The following TSFM variants were observed in gnomAD, a reference collection of about 807,000 sequenced individuals.
The protein encoded by TSFM is elongation factor Ts, mitochondrial.
A neutral mutation model predicts 33.4 loss-of-function variants in TSFM; 29 were observed. The observed-to-expected ratio is 0.87, with a 90% CI of 0.65 to 1.18. The LOEUF is 1.18. Among genes scored for constraint, TSFM ranks in the 50% most tolerant of loss-of-function variants. The pLI is 0.00. For synonymous variants in TSFM, 178 were observed against 163.5 expected (o/e 1.09, Z -0.68); for missense variants, 394 against 395.6 (o/e 1.00, Z 0.04).
rs747187236 is a variant in TSFM at position 57,782,801 on chromosome 12, G to T, written c.-1G>T. The T allele has an allele frequency of 2.5e-6, 4 of 1,590,006 alleles. No homozygotes were observed. The African/African-American group carries it at 5.4e-5, about 21-fold the overall frequency. On this transcript the variant is annotated 5_prime_UTR_variant, in exon 1 of 6. Transcript: ENST00000652027. The stretch of plus-strand genomic sequence containing the variant: ...GGAGGGTGTTTATCGCGGCTAGAGA[G>T]ATGTCGCTGCTGCGGTCGCTGCGCG...
chr12:57,796,845 T>C lies in TSFM; in HGVS notation c.*262T>C. 9.0e-7 allele frequency: 1 copy of C among 1,114,204 alleles called. No homozygotes were observed. Among genetic ancestry groups the C allele is most frequent in the Non-Finnish European group, 1.1e-6 (1 of 915,322 alleles). The allele number at this position is 1,114,204 out of a possible 1,614,324, so 69.0% of individuals were successfully genotyped here. A position where few individuals can be genotyped will look rare whatever the true frequency, so the allele number is the denominator to read the frequency against. ...AACAATACTGCTGCTCCCTTCAACA[T>C]AGATTTATTATGGTATTTCTGAAAT... On this transcript the variant is annotated 3_prime_UTR_variant, in exon 6 of 6. Transcript: ENST00000652027.
At chr12:57,792,198 C>T (rs1315198282) in intron 4 of TSFM, among the ~76,000 whole-genome samples, 1 of 151,450 alleles carries the variant, frequency 6.6e-6, no homozygotes, top group Admixed American at 6.6e-5. Context: ...AAGCTGAAAT[C>T]ATGCCACCGC....
At chr12:57,783,562 A>G in intron 2 of TSFM, 1 of 642,910 alleles carries the variant, frequency 1.6e-6, no homozygotes, top group Admixed American at 2.1e-5. Context: ...TTCAGGAGTC[A>G]AATTGTGGGG....
chr12:57,784,217 T>A, intron 2 of TSFM: 1 of 683,230 alleles, frequency 1.5e-6, no homozygotes, highest in Non-Finnish European at 2.7e-6. Flanking sequence ...TAAATAGGCA[T>A]AAAAGATAAA....
At position 57,782,833 on chromosome 12, in the gene TSFM, T is replaced by TGGTC. The variant is rs1458612288; in HGVS notation, c.34_37dup (p.Ala13GlyfsTer113). The TGGTC allele has an allele frequency of 6.9e-6, 11 of 1,596,376 alleles. No individual in the cohort carries two copies. Among genetic ancestry groups the TGGTC allele is most frequent in the Non-Finnish European group, 8.5e-6 (10 of 1,172,320 alleles). Reference sequence around the variant, plus strand: ...CTGCTGCGGTCGCTGCGCGTGTTTCTGGTCGCGCGGACCGGGAGCTACCCG... The same window carrying TGGTC: ...CTGCTGCGGTCGCTGCGCGTGTTTCTGGTCGGTCGCGCGGACCGGGAGCTACCCG... On this transcript the variant is annotated frameshift_variant, in exon 1 of 6. Transcript: ENST00000652027. LOFTEE classifies it high-confidence loss of function.
downstream of TSFM, among the ~76,000 whole-genome samples, chr12:57,798,572 G>T (rs564168563): frequency 6.6e-6 from 1 of 151,800 alleles, no homozygotes; most frequent in South Asian, 2.1e-4. Context: ...CAGAGTCTGT[G>T]CCTAAATCAA....
At chr12:57,791,362 A>T (rs927712460) in intron 4 of TSFM, among the ~76,000 whole-genome samples, 1 of 152,162 alleles carries the variant, frequency 6.6e-6, no homozygotes, top group South Asian at 2.1e-4. Flanking sequence ...GAAAGTCCTC[A>T]AAGTTAAAAC....
chr12:57,782,961 C>T lies in TSFM; in HGVS notation c.57+103C>T, dbSNP rs1955532489. The stretch of plus-strand genomic sequence containing the variant: ...ACCTCGTTTGACTCCATCTCACCTT[C>T]CCCGACAGCATTGCCTCTGCCCAGT... On this transcript the variant is annotated intron_variant, in intron 1 of 5. Coordinates refer to ENST00000652027, the MANE Select transcript of TSFM (RefSeq NM_005726.6). The T allele has an allele frequency of 3.4e-5, 50 of 1,475,902 alleles. No individual in the cohort carries two copies. The South Asian group carries it at 6.3e-4, about 19-fold the overall frequency. The allele number at this position is 1,475,902 out of a possible 1,614,324, so 91.4% of individuals were successfully genotyped here. A position where few individuals can be genotyped will look rare whatever the true frequency, so the allele number is the denominator to read the frequency against.
downstream of TSFM, among the ~76,000 whole-genome samples, chr12:57,801,905 G>C (rs987002234): frequency 2.6e-5 from 4 of 152,216 alleles, no homozygotes; most frequent in Non-Finnish European, 5.9e-5. Context: ...AAAAGATGAT[G>C]TGTATGGATA....
chr12:57,802,408 T>A (rs1241717137), downstream of TSFM: 1 of 1,513,338 alleles, frequency 6.6e-7, no homozygotes, highest in Non-Finnish European at 9.0e-7. Flanking sequence ...AAGTACTAGA[T>A]CATACACATT....
At chr12:57,796,056 C>A in intron 5 of TSFM, 121 bp from the exon 6 acceptor site, 2 of 848,806 alleles carry the variant, frequency 2.4e-6, no homozygotes, top group East Asian at 2.6e-5. Flanking sequence ...CATCTTACTG[C>A]ATATCCTATG....
downstream of TSFM, chr12:57,799,665 T>C (rs11172344): frequency 0.34 from 459,445 of 1,333,376 alleles, 85,676 homozygotes; most frequent in East Asian, 0.7. Context: ...TTGGTTTGAG[T>C]TCCTAGGTAG....
At chr12:57,800,899 C>T (rs768694583), downstream of TSFM, among the ~76,000 whole-genome samples, 8 of 152,170 alleles carry the variant, frequency 5.3e-5, no homozygotes, top group African/African-American at 1.9e-4. Flanking sequence ...TGAGCCACCG[C>T]GCCCGGCCCC....
In TSFM at chr12:57,796,330, C is replaced by G. The variant is rs188794079; in HGVS notation, c.725C>G (p.Thr242Arg). The change falls in exon 6 of 6, where the codon ACG becomes AGG. Residue 242 changes from threonine (T) to arginine (R), a missense_variant. Around this residue, in one of 3 missense-constraint regions of TSFM, gnomAD observed 186 missense variants for 198.8 expected, o/e 0.94. Transcript: ENST00000652027. ...TATGGGGCCCTGGTCATCTGTGAGA[C>G]GTCTGAACAGAAAACAAACCTTGAA... The part of the protein sequence containing the change: ...GKYGALVICE[T>R]SEQKTNLEDV... 6.2e-7 allele frequency: 1 copy of G among 1,609,726 alleles called. No homozygotes were observed. The highest frequency in any genetic ancestry group is 2.2e-5 in the East Asian group (1 of 44,826).
intron 5 of TSFM, among the ~76,000 whole-genome samples, chr12:57,795,011 G>C (rs533278332): frequency 1.3e-5 from 2 of 150,546 alleles, no homozygotes; most frequent in South Asian, 4.2e-4. Context: ...CGCCCACCTC[G>C]GCCTCCCAAA....
At chr12:57,786,550 G>A (rs764325614) in intron 3 of TSFM, among the ~76,000 whole-genome samples, 3 of 151,678 alleles carry the variant, frequency 2.0e-5, no homozygotes, top group Non-Finnish European at 4.4e-5. Flanking sequence ...CTTACACCTT[G>A]TCACTGATTG....
Position 57,797,105 on chromosome 12 carries a change from C to T in TSFM, c.*522C>T, listed in dbSNP as rs745417120. 91 of 985,328 alleles carry T rather than the reference C, an allele frequency of 9.2e-5. No individual in the cohort carries two copies. The highest frequency in any genetic ancestry group is 1.1e-4 in the Non-Finnish European group (88 of 829,964). The allele number at this position is 985,328 out of a possible 1,614,324, so 61.0% of individuals were successfully genotyped here. A position where few individuals can be genotyped will look rare whatever the true frequency, so the allele number is the denominator to read the frequency against. ...TTTGAAGGTGCTCTGCAGTGGTAGA[C>T]ACACTGGTTCTGGCCTCATTTAATG... is the stretch of plus-strand genomic sequence containing the variant. On this transcript the variant is annotated 3_prime_UTR_variant, in exon 6 of 6. Coordinates refer to ENST00000652027, the MANE Select transcript of TSFM (RefSeq NM_005726.6).
downstream of TSFM, among the ~76,000 whole-genome samples, chr12:57,799,550 C>A (rs372637039): frequency 6.6e-5 from 10 of 152,158 alleles, no homozygotes; most frequent in East Asian, 1.5e-3. Flanking sequence ...TCCATGATAG[C>A]TGGACTAGAC....
intron 2 of TSFM, among the ~76,000 whole-genome samples, chr12:57,784,880 CAAA>C: frequency 9.2e-6 from 1 of 108,978 alleles, no homozygotes; most frequent in Middle Eastern, 5.2e-3. Flanking sequence ...AACTCTGTCT[CAAA>C]AAAAAAAACA....
Sources: gnomAD v4.1 joint callset for allele counts (sites outside exome capture counted in the v4.1 genomes callset) on GRCh38, gnomAD v4.1.1 for gene constraint, gnomAD v4.1.1 regional missense constraint, MANE v1.5 for transcripts, NCBI Gene and HGNC (gene_info 2026-07-23, HGNC 2026-07-21) for gene names.